TANGO6: variants seen among roughly 807,000 people sequenced by gnomAD.
TANGO6 encodes the protein transport and Golgi organization protein 6 homolog.
A neutral mutation model predicts 114.2 loss-of-function variants in TANGO6; 90 were observed. The observed-to-expected ratio is 0.79, with a 90% CI of 0.66 to 0.94. TANGO6 has a LOEUF of 0.94. Ranked by LOEUF, TANGO6 falls within the 40% of genes least tolerant of loss-of-function variation. The probability of loss-of-function intolerance (pLI) is 0.00; values close to 1 mark genes in which losing one functional copy is unlikely to be tolerated. For missense variants in TANGO6, 1,274 were observed against 1,315.3 expected (o/e 0.97, Z 0.49); for synonymous variants, 477 against 509.8 (o/e 0.94, Z 0.87).
intron 4 of TANGO6, 78 bp downstream of exon 4, chr16:68,867,298 A>G: frequency 6.3e-7 from 1 of 1,576,466 alleles, no homozygotes; most frequent in Non-Finnish European, 8.7e-7. Flanking sequence ...ATTGGTCTTT[A>G]GTATTTACCT....
At chr16:69,003,849 T>G (rs1964067074) in intron 15 of TANGO6, among the ~76,000 whole-genome samples, 2 of 152,122 alleles carry the variant, frequency 1.3e-5, no homozygotes, top group African/African-American at 4.8e-5. Flanking sequence ...ATAAAATTTC[T>G]TTTCTTTATA....
intron 5 of TANGO6, 153 bp from the exon 6 acceptor site, chr16:68,877,965 A>G: frequency 1.5e-6 from 1 of 663,862 alleles, no homozygotes; most frequent in Non-Finnish European, 2.3e-6. Context: ...TTACCCTTTG[A>G]TACTGGGTAT....
rs1269280612 is a variant in TANGO6, at chr16:68,927,981, T to C, written c.2541T>C (p.Tyr847=). Residue 847 remains tyrosine (Y), a synonymous_variant, in exon 13 of 18, where the codon TAT becomes TAC. Transcript: ENST00000261778. Reference sequence around the variant, plus strand: ...TCCAAGAGGTTCTTTTGTCAGCTTATGACCCTCAAATTCCAACACGGGCTG... The same window carrying C: ...TCCAAGAGGTTCTTTTGTCAGCTTACGACCCTCAAATTCCAACACGGGCTG... ...EQLQEVLLSA[Y]DPQIPTRAAA... The C allele has an allele frequency of 6.2e-7, 1 of 1,613,318 alleles. No individual in the cohort carries two copies. Among genetic ancestry groups the C allele is most frequent in the East Asian group, 2.2e-5 (1 of 44,892 alleles).
chr16:68,937,039 G>A (rs1963306363), intron 14 of TANGO6: 1 of 152,210 alleles, frequency 6.6e-6, no homozygotes, highest in Non-Finnish European at 1.5e-5. Context: ...TTTTCACAGA[G>A]TTTCAAATTG....
At chr16:69,038,273 A>G (rs755234192) in intron 16 of TANGO6, among the ~76,000 whole-genome samples, 2 of 152,082 alleles carry the variant, frequency 1.3e-5, no homozygotes. Context: ...ACCAAAAAAT[A>G]CAAAAAATTA....
Position 68,919,154 on chromosome 16 carries a change from G to A in TANGO6, c.2062G>A (p.Val688Met), listed in dbSNP as rs781656404. The A allele has an allele frequency of 2.5e-5, 41 of 1,612,736 alleles. No individual in the cohort carries two copies. The highest frequency in any genetic ancestry group is 1.6e-4 in the Middle Eastern group (1 of 6,078). Residue 688 changes from valine (V) to methionine (M), a missense_variant, in exon 12 of 18, where the codon GTG becomes ATG. By Grantham distance (21) the Val-to-Met change is conservative. This residue lies in a region of TANGO6 where 908 missense variants were observed against 910.2 expected (regional missense o/e 1.00). Coordinates refer to ENST00000261778, the MANE Select transcript of TANGO6 (RefSeq NM_024562.2). ...CCTGGCCCATCAGGCAGAGAGCACC[G>A]TGGAATCACAGACGCTGAGCATGTC... is the stretch of plus-strand genomic sequence containing the variant. ...ASLAHQAEST[V>M]ESQTLSMSMG...
At chr16:69,040,958 A>G (rs979337808) in intron 17 of TANGO6, among the ~76,000 whole-genome samples, 3 of 152,052 alleles carry the variant, frequency 2.0e-5, no homozygotes, top group Non-Finnish European at 4.4e-5. Context: ...ACATATATAT[A>G]TATATAAAAA....
intron 6 of TANGO6, among the ~76,000 whole-genome samples, chr16:68,879,887 A>G (rs1359897256): frequency 6.6e-6 from 1 of 151,770 alleles, no homozygotes; most frequent in African/African-American, 2.4e-5. Flanking sequence ...AAGTGCTGGG[A>G]TTACAGGCGT....
At chr16:68,882,412 G>A (rs1397263923) in intron 7 of TANGO6, among the ~76,000 whole-genome samples, 1 of 151,946 alleles carries the variant, frequency 6.6e-6, no homozygotes, top group Non-Finnish European at 1.5e-5. Flanking sequence ...CAGGAGAATG[G>A]CGTGAACCTG....
At chr16:68,915,173 CAAA>C (rs1165497927) in intron 11 of TANGO6, among the ~76,000 whole-genome samples, 1 of 73,822 alleles carries the variant, frequency 1.4e-5, no homozygotes. Context: ...AACTCTGTCT[CAAA>C]AAAAAAAAAA....
intron 17 of TANGO6, among the ~76,000 whole-genome samples, chr16:69,058,550 T>A (rs1035295945): frequency 6.6e-6 from 1 of 152,250 alleles, no homozygotes; most frequent in Non-Finnish European, 1.5e-5. Flanking sequence ...CCAGCTTGGC[T>A]GTTCTGAAGG....
chr16:68,853,276 TAA>T (rs76691613), intron 1 of TANGO6, among the ~76,000 whole-genome samples: 23 of 106,986 alleles, frequency 2.1e-4, no homozygotes, highest in South Asian at 2.9e-4. Flanking sequence ...AGACTCTGTC[TAA>T]AAAAAAAAAA....
At chr16:68,893,406 T>C (rs959435177) in intron 7 of TANGO6, among the ~76,000 whole-genome samples, 19 of 152,112 alleles carry the variant, frequency 1.2e-4, no homozygotes, top group African/African-American at 4.6e-4. Flanking sequence ...GAACTTTCAG[T>C]GATATGCTTC....
chr16:68,875,622 A>G (rs750904431), intron 5 of TANGO6, among the ~76,000 whole-genome samples: 6 of 152,128 alleles, frequency 3.9e-5, no homozygotes, highest in Non-Finnish European at 7.4e-5. Flanking sequence ...ATACAAAATT[A>G]GCTGGGTGTG....
intron 17 of TANGO6, among the ~76,000 whole-genome samples, chr16:69,080,416 G>T (rs1960446847): frequency 6.6e-6 from 1 of 152,160 alleles, no homozygotes; most frequent in African/African-American, 2.4e-5. Context: ...CAAGCATGGT[G>T]GTGTATGCCT....
At chr16:68,872,048 G>A (rs935695264) in intron 4 of TANGO6, among the ~76,000 whole-genome samples, 1 of 151,924 alleles carries the variant, frequency 6.6e-6, no homozygotes, top group African/African-American at 2.4e-5. Context: ...TGGCCAACAT[G>A]GTGAAAGCCT....
chr16:68,995,732 C>T (rs1180637041), intron 15 of TANGO6, among the ~76,000 whole-genome samples: 1 of 152,156 alleles, frequency 6.6e-6, no homozygotes, highest in Non-Finnish European at 1.5e-5. Flanking sequence ...AAGACTAAGT[C>T]ACTGGCTTCT....
chr16:69,070,356 G>A (rs1324252060), intron 17 of TANGO6, among the ~76,000 whole-genome samples: 1 of 152,004 alleles, frequency 6.6e-6, no homozygotes, highest in Admixed American at 6.6e-5. Context: ...CTTGGGGCCA[G>A]GCGCAGTGGC....
In TANGO6 at chr16:68,919,224, G is replaced by C; in HGVS notation, c.2127+5G>C. The C allele has an allele frequency of 6.2e-7, 1 of 1,611,932 alleles. No individual in the cohort carries two copies. Among genetic ancestry groups the C allele is most frequent in the South Asian group, 1.1e-5 (1 of 90,332 alleles). On this transcript the variant is annotated splice_donor_5th_base_variant and intron_variant, in intron 12 of 17. Transcript: ENST00000261778. ...ATGCTAGGAGGAGCTGTTCAGGTGA[G>C]TTGTAGACATGAGGCAAGCTTGAAT...
Sources: allele counts gnomAD v4.1 joint callset (sites outside exome capture counted in the v4.1 genomes callset), GRCh38; gene constraint gnomAD v4.1.1; regional missense constraint gnomAD v4.1.1; transcripts MANE v1.5; gene names NCBI Gene and HGNC (gene_info 2026-07-23, HGNC 2026-07-21).